The following RFX3 variants were observed in gnomAD, a reference collection of about 807,000 sequenced individuals.
RFX3 encodes regulatory factor X3, also known as transcription factor RFX3.
RFX3 carries 14 observed loss-of-function variants against 98.6 expected under a neutral mutation model. The observed-to-expected ratio is 0.14, with a 90% CI of 0.09 to 0.22. The LOEUF is 0.22. Ranked by LOEUF, RFX3 falls within the 10% of genes least tolerant of loss-of-function variation. The pLI is 1.00. For missense variants in RFX3, 639 were observed against 926.9 expected (o/e 0.69, Z 4.03); for synonymous variants, 383 against 328.4 (o/e 1.17, Z -1.80).
At chr9:3,456,652 C>G (rs1399601025) in intron 1 of RFX3, among the ~76,000 whole-genome samples, 1 of 152,182 alleles carries the variant, frequency 6.6e-6, no homozygotes, top group Non-Finnish European at 1.5e-5. Flanking sequence ...GGCCCAATAA[C>G]CTAACTCCTA....
chr9:3,517,701 T>C lies in RFX3; in HGVS notation c.-9+8046A>G, dbSNP rs1177213668. On this transcript the variant is annotated intron_variant, in intron 1 of 16. Coordinates refer to ENST00000617270, the MANE Select transcript of RFX3 (RefSeq NM_001282116.2). ...ATGGACTACAGATTTAACCCTAAGG[T>C]ACTTAGCCAGAGGCCAGTACATAGC... 3.3e-5 allele frequency among the ~76,000 whole-genome samples: 5 copies of C among 152,308 alleles called. No homozygotes were observed. In the East Asian group the frequency reaches 9.6e-4, roughly 29 times the overall value.
At chr9:3,384,862 C>T (rs1334100258) in intron 2 of RFX3, among the ~76,000 whole-genome samples, 3 of 152,152 alleles carry the variant, frequency 2.0e-5, no homozygotes, top group East Asian at 3.8e-4. Flanking sequence ...GCTCCTCTCT[C>T]GTGCCAGGTC....
intron 9 of RFX3, among the ~76,000 whole-genome samples, chr9:3,272,737 G>T (rs556590985): frequency 2.0e-5 from 3 of 152,214 alleles, no homozygotes; most frequent in African/African-American, 7.2e-5. Flanking sequence ...ATATGAGATT[G>T]CTGTAAGAAC....
At chr9:3,422,534 T>G (rs1433173753) in intron 1 of RFX3, among the ~76,000 whole-genome samples, 2 of 152,224 alleles carry the variant, frequency 1.3e-5, no homozygotes, top group African/African-American at 4.8e-5. Context: ...GCAACTCTTT[T>G]CTACCTTTGA....
At chr9:3,378,862 C>G (rs991536077) in intron 2 of RFX3, among the ~76,000 whole-genome samples, 3 of 152,026 alleles carry the variant, frequency 2.0e-5, no homozygotes, top group Non-Finnish European at 4.4e-5. Flanking sequence ...GGCCTTCTTT[C>G]TCATATTCTA....
At chr9:3,252,696 C>T (rs1264688136) in intron 14 of RFX3, among the ~76,000 whole-genome samples, 2 of 151,834 alleles carry the variant, frequency 1.3e-5, no homozygotes, top group African/African-American at 4.8e-5. Context: ...CATGATAAGG[C>T]CTTTGGATTT....
At position 3,504,348 on chromosome 9, in the gene RFX3, A is replaced by G. The variant is rs188668695; in HGVS notation, c.-9+21399T>C. On this transcript the variant is annotated intron_variant, in intron 1 of 16. Transcript: ENST00000617270. ...ATAAAATATATATTATATGCCACATAGCATATATTGTATATAAAATATATA... is the reference window on the plus strand; with the variant it reads ...ATAAAATATATATTATATGCCACATGGCATATATTGTATATAAAATATATA... 4.9e-3 allele frequency among the ~76,000 whole-genome samples: 575 copies of G among 118,200 alleles called. 14 individuals carry two copies. The highest frequency in any genetic ancestry group is 0.02 in the Middle Eastern group (4 of 204). 77.5% of individuals were successfully genotyped at this position (118,200 alleles called of 152,430 possible).
intron 5 of RFX3, among the ~76,000 whole-genome samples, chr9:3,299,245 A>T (rs1313065028): frequency 6.6e-6 from 1 of 151,770 alleles, no homozygotes; most frequent in African/African-American, 2.4e-5. Flanking sequence ...ACTTTTAGCA[A>T]ATAGTTATCA....
At chr9:3,480,513 A>G (rs1849654954) in intron 1 of RFX3, among the ~76,000 whole-genome samples, 1 of 152,212 alleles carries the variant, frequency 6.6e-6, no homozygotes. Flanking sequence ...ACGAGCATGA[A>G]TGCCATCAAT....
chr9:3,281,785 G>C (rs1390029670), intron 7 of RFX3, among the ~76,000 whole-genome samples: 2 of 151,754 alleles, frequency 1.3e-5, no homozygotes, highest in Non-Finnish European at 2.9e-5. Flanking sequence ...TTAGGACTTG[G>C]ACAGTTGTAA....
chr9:3,426,638 C>T (rs1477410843), intron 1 of RFX3, among the ~76,000 whole-genome samples: 2 of 152,126 alleles, frequency 1.3e-5, no homozygotes, highest in Non-Finnish European at 1.5e-5. Context: ...CGGCAGCATT[C>T]GATTCTCATA....
rs574116324 is a variant in RFX3 at position 3,432,543 on chromosome 9, C to T, written c.-8-36947G>A. On this transcript the variant is annotated intron_variant, in intron 1 of 16. Transcript: ENST00000617270. ...GTACATGACTTCACAAGATTTAGAA[C>T]AGTGCCAAGCAAGGAAGTCATGAAA... Among the ~76,000 whole-genome samples the T allele has an allele frequency of 5.9e-5, 9 of 152,178 alleles. No homozygotes were observed. In the South Asian group the frequency reaches 8.3e-4, roughly 14 times the overall value.
At chr9:3,260,331 A>T (rs1030259013) in intron 13 of RFX3, among the ~76,000 whole-genome samples, 5 of 152,014 alleles carry the variant, frequency 3.3e-5, no homozygotes, top group Non-Finnish European at 1.5e-5. Context: ...GTAGAGGATA[A>T]GTCGTACAGT....
chr9:3,410,187 G>GTGTGTGTGTGTC (rs1842340807), intron 1 of RFX3, among the ~76,000 whole-genome samples: 1 of 151,022 alleles, frequency 6.6e-6, no homozygotes, highest in African/African-American at 2.4e-5. Flanking sequence ...GTGTGTGTGT[G>GTGTGTGTGTGTC]TGTGTGTGTG....
Position 3,263,041 on chromosome 9 carries a change from G to A in RFX3, c.1499C>T (p.Thr500Met). The A allele has an allele frequency of 6.2e-7, 1 of 1,613,796 alleles. No individual in the cohort carries two copies. The highest frequency in any genetic ancestry group is 8.5e-7 in the Non-Finnish European group (1 of 1,179,756). The change falls in exon 13 of 17, where the codon ACG becomes ATG. Residue 500 changes from threonine (T) to methionine (M), a missense_variant. Coordinates refer to ENST00000617270, the MANE Select transcript of RFX3 (RefSeq NM_001282116.2). ...SAFAQTLRRYTSLNHLAQAAR... is the reference protein window; with the variant it reads ...SAFAQTLRRYMSLNHLAQAAR... Reference sequence around the variant, plus strand: ...TGCCTGGGCCAGGTGATTAAGCGACGTGTATCTTCGCAGAGTCTGGGCAAA... The same window carrying A: ...TGCCTGGGCCAGGTGATTAAGCGACATGTATCTTCGCAGAGTCTGGGCAAA...
Position 3,314,769 on chromosome 9 carries a change from G to C in RFX3, c.475-13149C>G, listed in dbSNP as rs191245829. ...ACTTTAAACCACAAAGACCAAAAGA[G>C]ACAAACAGGGCCATTACATAATGGT... On this transcript the variant is annotated intron_variant, in intron 4 of 16. Coordinates refer to ENST00000617270, the MANE Select transcript of RFX3 (RefSeq NM_001282116.2). Among the ~76,000 whole-genome samples, 26 of 151,902 alleles carry C rather than the reference G, an allele frequency of 1.7e-4. No homozygotes were observed. In the East Asian group the frequency reaches 4.8e-3, roughly 28 times the overall value.
intron 2 of RFX3, among the ~76,000 whole-genome samples, chr9:3,376,658 C>T (rs550461130): frequency 1.3e-5 from 2 of 152,094 alleles, no homozygotes; most frequent in African/African-American, 4.8e-5. Context: ...GAACACGCAA[C>T]CTACAGAATG....
At chr9:3,355,531 A>C (rs1053009284) in intron 2 of RFX3, among the ~76,000 whole-genome samples, 1 of 151,960 alleles carries the variant, frequency 6.6e-6, no homozygotes, top group African/African-American at 2.4e-5. Flanking sequence ...CTAAAGACAG[A>C]GTTTCAGAAG....
intron 1 of RFX3, among the ~76,000 whole-genome samples, chr9:3,436,781 A>T (rs1173729985): frequency 6.6e-6 from 1 of 152,042 alleles, no homozygotes; most frequent in Admixed American, 6.6e-5. Flanking sequence ...AAAGGATAGG[A>T]AACGATCACA....
Sources: gnomAD v4.1 joint callset for allele counts (sites outside exome capture counted in the v4.1 genomes callset) on GRCh38, gnomAD v4.1.1 for gene constraint, MANE v1.5 for transcripts, NCBI Gene and HGNC (gene_info 2026-07-23, HGNC 2026-07-21) for gene names.